Variants in ITPA observed in about 807,000 individuals in gnomAD.
ITPA encodes inosine triphosphate pyrophosphatase.
In ITPA, 29 loss-of-function variants were observed where a neutral mutation model predicts 29.6. That is an observed-to-expected ratio of 0.98 (90% confidence interval 0.73 to 1.34). The LOEUF is 1.34. ITPA is among the 40% of genes most tolerant of loss of function. The pLI is 0.00. For missense variants in ITPA, 241 were observed against 251.5 expected, an observed-to-expected ratio of 0.96 and a Z score of 0.28; for synonymous variants, 103 against 99.3, an observed-to-expected ratio of 1.04 and a Z score of -0.22.
At chr20:3,225,314 G>C (rs554138309), downstream of ITPA, among the ~76,000 whole-genome samples, 106 of 152,296 alleles carry the variant, frequency 7.0e-4, no homozygotes, top group Non-Finnish European at 1.2e-3. Flanking sequence ...GTGGCTGGCA[G>C]CATCTAGGTA....
chr20:3,210,454 G>A (rs1330646313), intron 1 of ITPA, among the ~76,000 whole-genome samples: 1 of 152,184 alleles, frequency 6.6e-6, no homozygotes, highest in African/African-American at 2.4e-5. Flanking sequence ...TGTTCAATCA[G>A]CCATAGCCAT....
chr20:3,215,759 C>T (rs2067279556), intron 5 of ITPA, among the ~76,000 whole-genome samples: 2 of 152,188 alleles, frequency 1.3e-5, no homozygotes, highest in South Asian at 2.1e-4. Context: ...GATCTCGACT[C>T]ACTGCAACCT....
chr20:3,215,153 C>T, intron 4 of ITPA, 128 bp from the exon 5 acceptor site: 1 of 884,996 alleles, frequency 1.1e-6, no homozygotes, highest in South Asian at 1.4e-5. Flanking sequence ...AGGCGGGACC[C>T]ACCTCGCCTG....
intron 6 of ITPA, among the ~76,000 whole-genome samples, chr20:3,221,379 G>A (rs568608168): frequency 2.6e-5 from 4 of 152,212 alleles, no homozygotes; most frequent in South Asian, 2.1e-4. Context: ...TTCCTGTTGC[G>A]GTGTTTCATC....
chr20:3,224,446 G>A (rs2067537004), downstream of ITPA, among the ~76,000 whole-genome samples: 2 of 152,204 alleles, frequency 1.3e-5, no homozygotes, highest in South Asian at 4.1e-4. Context: ...GGCACCCCCA[G>A]GCTTGCTTCT....
chr20:3,216,701 C>T (rs6076495), intron 5 of ITPA, among the ~76,000 whole-genome samples: 11,165 of 152,110 alleles, frequency 0.073, 546 homozygotes, highest in Admixed American at 0.12. Flanking sequence ...ATCCACCCAT[C>T]GCAGCCTCCC....
Position 3,214,048 on chromosome 20 carries a change from G to A in ITPA, c.253G>A (p.Gly85Ser), listed in dbSNP as rs1343080275. The A allele has an allele frequency of 5.0e-6, 8 of 1,614,150 alleles. No individual in the cohort carries two copies. In the South Asian group the frequency reaches 5.5e-5, roughly 11 times the overall value. Reference sequence around the variant, plus strand: ...CTTCAATGCCCTTGGAGGGCTCCCCGGCCCCTACATGTGAGTGACTACCTC... The same window carrying A: ...CTTCAATGCCCTTGGAGGGCTCCCCAGCCCCTACATGTGAGTGACTACCTC... The part of the protein sequence containing the change: ...LCFNALGGLP[G>S]PYIKWFLEKL... The change falls in exon 4 of 8, where the codon GGC (glycine) becomes AGC (serine). Residue 85 changes from glycine to serine, a missense_variant. Transcript: ENST00000380113.
At chr20:3,220,061 AAC>A (rs1406089269) in intron 6 of ITPA, among the ~76,000 whole-genome samples, 18,584 of 132,380 alleles carry the variant, frequency 0.14, 1,740 homozygotes, top group African/African-American at 0.26. Flanking sequence ...AAAAAAAAAA[AAC>A]AAACCTTAAT....
chr20:3,213,040 A>C, intron 1 of ITPA, 129 bp from the exon 2 acceptor site: 44 of 921,906 alleles, frequency 4.8e-5, no homozygotes, highest in Non-Finnish European at 5.9e-5. Context: ...GGTGAGGCCC[A>C]CAGGCCTGAG....
At chr20:3,207,304 T>A (rs1410533002), upstream of ITPA, among the ~76,000 whole-genome samples, 1 of 152,192 alleles carries the variant, frequency 6.6e-6, no homozygotes, top group Non-Finnish European at 1.5e-5. Context: ...TTGTCTAGGC[T>A]TGTCTTGAAC....
upstream of ITPA, among the ~76,000 whole-genome samples, chr20:3,205,131 T>A (rs2067061880): frequency 6.6e-6 from 1 of 152,034 alleles, no homozygotes; most frequent in African/African-American, 2.4e-5. Flanking sequence ...ATTACAGGCG[T>A]GAGCCACCGC....
rs1487422589 is a variant in ITPA at position 3,213,968 on chromosome 20, A to G, written c.190-17A>G. ...TGGTGATCATGGGTCTCAGGGCTGT[A>G]TGTCTTTGTGCTGCAGGTACAGGGG... On this transcript the variant is annotated splice_polypyrimidine_tract_variant and intron_variant, in intron 3 of 7. Transcript: ENST00000380113. 6.2e-7 allele frequency: 1 copy of G among 1,613,984 alleles called. No individual in the cohort carries two copies. The highest frequency in any genetic ancestry group is 1.1e-5 in the South Asian group (1 of 91,078).
chr20:3,215,228 G>A (rs761692770), intron 4 of ITPA, 53 bp from the exon 5 acceptor site: 148 of 1,582,598 alleles, frequency 9.4e-5, no homozygotes, highest in Middle Eastern at 1.7e-4. Flanking sequence ...GGAAAAGGTG[G>A]TAAGAAGATC....
intron 5 of ITPA, among the ~76,000 whole-genome samples, chr20:3,215,607 G>A (rs11087571): frequency 0.29 from 44,453 of 152,146 alleles, 6,888 homozygotes; most frequent in South Asian, 0.52. Context: ...TGCCCTGGGA[G>A]TTGGAGGACT....
downstream of ITPA, among the ~76,000 whole-genome samples, chr20:3,225,518 GCCGA>G (rs1235890521): frequency 1.3e-5 from 2 of 152,176 alleles, no homozygotes; most frequent in African/African-American, 4.8e-5. Flanking sequence ...CTTCTGAATA[GCCGA>G]CCATGTGGGG....
chr20:3,209,599 C>G lies in ITPA; in HGVS notation c.48C>G (p.Asn16Lys). The change falls in exon 1 of 8, where the codon AAC becomes AAG. Residue 16 changes from asparagine (N) to lysine (K), a missense_variant. By Grantham distance (94) the Asn-to-Lys change is moderately conservative. Transcript: ENST00000380113. This position sits in a 1 kb window ranked among gnomAD's most constrained non-coding sequence, Gnocchi z 4.6. The part of the protein sequence containing the change: ...VGKKIVFVTG[N>K]AKKLEEVVQI... Reference sequence around the variant, plus strand: ...AGAAGATCGTGTTTGTAACGGGGAACGCCAAGAAGCTGGAGGAGGTGCCGG... The same window carrying G: ...AGAAGATCGTGTTTGTAACGGGGAAGGCCAAGAAGCTGGAGGAGGTGCCGG... 1 of 1,614,016 alleles carries G rather than the reference C, an allele frequency of 6.2e-7. No individual in the cohort carries two copies. The highest frequency in any genetic ancestry group is 8.5e-7 in the Non-Finnish European group (1 of 1,179,970).
At chr20:3,215,159 G>A (rs527300549) in intron 4 of ITPA, 122 bp from the exon 5 acceptor site, 22 of 955,750 alleles carry the variant, frequency 2.3e-5, no homozygotes, top group South Asian at 1.5e-4. Context: ...GACCCACCTC[G>A]CCTGGCTCTT....
chr20:3,211,166 CT>C (rs369449246), intron 1 of ITPA, among the ~76,000 whole-genome samples: 189 of 140,192 alleles, frequency 1.3e-3, no homozygotes, highest in East Asian at 7.9e-3. Context: ...AACAGGTAGT[CT>C]TTTTTTTTTT....
At position 3,214,022 on chromosome 20, in the gene ITPA, G is replaced by A; in HGVS notation, c.227G>A (p.Cys76Tyr). 6.2e-7 allele frequency: 1 copy of A among 1,614,218 alleles called. No individual in the cohort carries two copies. Among genetic ancestry groups the A allele is most frequent in the South Asian group, 1.1e-5 (1 of 91,088 alleles). ...GPVLVEDTCLCFNALGGLPGP... is the reference protein window; with the variant it reads ...GPVLVEDTCLYFNALGGLPGP... ...GTGCTGGTTGAGGACACTTGTCTGTGCTTCAATGCCCTTGGAGGGCTCCCC... is the reference window on the plus strand; with the variant it reads ...GTGCTGGTTGAGGACACTTGTCTGTACTTCAATGCCCTTGGAGGGCTCCCC... Residue 76 changes from cysteine to tyrosine, a missense_variant, in exon 4 of 8, where the codon TGC (cysteine) becomes TAC (tyrosine). By Grantham distance (194) the Cys-to-Tyr change is radical (BLOSUM62 -2). Coordinates refer to ENST00000380113, the MANE Select transcript of ITPA (RefSeq NM_033453.4).
Sources: gnomAD v4.1 joint callset for allele counts (sites outside exome capture counted in the v4.1 genomes callset) on GRCh38, gnomAD v4.1.1 for gene constraint, Gnocchi (gnomAD v3.1) non-coding constraint, MANE v1.5 for transcripts, NCBI Gene and HGNC (gene_info 2026-07-23, HGNC 2026-07-21) for gene names.